Variants in KHDRBS3 observed in about 807,000 individuals in gnomAD.
KHDRBS3 encodes the protein KH RNA binding domain containing, signal transduction associated 3.
Under a neutral mutation model 45.6 loss-of-function variants are expected in KHDRBS3, and 23 were observed. That is an observed-to-expected ratio of 0.50 (90% CI 0.36 to 0.72). The LOEUF (loss-of-function observed/expected upper bound fraction) is 0.72, where lower values mean the gene tolerates loss of function less well. KHDRBS3 is among the 30% of genes least tolerant of loss of function. The pLI is 0.00. For missense variants in KHDRBS3, 352 were observed against 424.8 expected (o/e 0.83, Z 1.51); for synonymous variants, 162 against 156.5 (o/e 1.04, Z -0.26).
chr8:135,540,002 G>A (rs888972855), intron 2 of KHDRBS3: 7 of 152,080 alleles, frequency 4.6e-5, no homozygotes, highest in Non-Finnish European at 1.0e-4. Context: ...TGTTTGGATT[G>A]GATGATTTCT....
At position 135,584,875 on chromosome 8, in the gene KHDRBS3, G is replaced by A. The variant is rs139403678; in HGVS notation, c.807+2802G>A. On this transcript the variant is annotated intron_variant, in intron 6 of 8. Transcript: ENST00000355849. ...AACCTAAAGATTACTCACCCATCACGCTTAGTTTTGCAGCATGGTAGGGGG... is the reference window on the plus strand; with the variant it reads ...AACCTAAAGATTACTCACCCATCACACTTAGTTTTGCAGCATGGTAGGGGG... 4.9e-3 allele frequency among the ~76,000 whole-genome samples: 741 copies of A among 152,134 alleles called. 3 individuals are homozygous for A. The highest frequency in any genetic ancestry group is 0.017 in the African/African-American group (708 of 41,482).
intron 6 of KHDRBS3, among the ~76,000 whole-genome samples, chr8:135,602,671 C>T (rs544974577): frequency 2.6e-4 from 40 of 152,190 alleles, no homozygotes; most frequent in Admixed American, 2.2e-3. Flanking sequence ...TTCAAGCTAA[C>T]ATTACTAAAG....
chr8:135,654,818 T>C (rs930102255), intron 4 of KHDRBS3, among the ~76,000 whole-genome samples: 4 of 152,196 alleles, frequency 2.6e-5, no homozygotes, highest in Non-Finnish European at 5.9e-5. Context: ...ACAGACAGGA[T>C]CTCCTCTAGC....
intron 1 of KHDRBS3, among the ~76,000 whole-genome samples, chr8:135,476,569 C>A (rs1308892004): frequency 2.0e-5 from 3 of 152,198 alleles, no homozygotes; most frequent in African/African-American, 7.2e-5. Context: ...CTTGCACTTG[C>A]TTTTCCCTCT....
chr8:135,493,712 ATCTT>A (rs1823272002), intron 1 of KHDRBS3, among the ~76,000 whole-genome samples: 1 of 152,206 alleles, frequency 6.6e-6, no homozygotes, highest in East Asian at 1.9e-4. Flanking sequence ...TAACTTTTTC[ATCTT>A]TCTTTATGAG....
At chr8:135,636,169 T>C (rs1341604380) in intron 7 of KHDRBS3, among the ~76,000 whole-genome samples, 1 of 152,210 alleles carries the variant, frequency 6.6e-6, no homozygotes, top group Non-Finnish European at 1.5e-5. Flanking sequence ...AGGCAGCTAG[T>C]TGGCCTCACA....
intron 4 of KHDRBS3, among the ~76,000 whole-genome samples, chr8:135,556,548 T>G (rs1030540102): frequency 2.6e-5 from 4 of 152,216 alleles, no homozygotes; most frequent in Non-Finnish European, 5.9e-5. Context: ...GAAGTGTCTG[T>G]TCATATCCTT....
At chr8:135,631,282 C>G (rs376315966) in intron 7 of KHDRBS3, among the ~76,000 whole-genome samples, 6 of 133,472 alleles carry the variant, frequency 4.5e-5, no homozygotes, top group African/African-American at 1.4e-4. Flanking sequence ...AAGGATTTTT[C>G]TTCAATAATA....
intron 1 of KHDRBS3, among the ~76,000 whole-genome samples, chr8:135,483,512 T>C (rs1462779121): frequency 6.6e-6 from 1 of 152,230 alleles, no homozygotes; most frequent in Non-Finnish European, 1.5e-5. Context: ...CTGAAGCTAA[T>C]TAGTCCCTGG....
chr8:135,607,920 C>T (rs953877777), intron 7 of KHDRBS3, among the ~76,000 whole-genome samples: 1 of 152,142 alleles, frequency 6.6e-6, no homozygotes, highest in Non-Finnish European at 1.5e-5. Context: ...TGTTTTTGCT[C>T]ATACCAAATT....
intron 4 of KHDRBS3, among the ~76,000 whole-genome samples, chr8:135,551,633 G>A (rs753275282): frequency 6.6e-6 from 1 of 152,118 alleles, no homozygotes; most frequent in Non-Finnish European, 1.5e-5. Flanking sequence ...TCTTCTTTAT[G>A]TGTTGCTAGA....
At chr8:135,514,493 T>C (rs1436918726) in intron 1 of KHDRBS3, among the ~76,000 whole-genome samples, 1 of 152,184 alleles carries the variant, frequency 6.6e-6, no homozygotes, top group African/African-American at 2.4e-5. Context: ...ATTCCTCTTA[T>C]ATGACACAGC....
chr8:135,568,356 A>G (rs1160604018), intron 5 of KHDRBS3, among the ~76,000 whole-genome samples: 2 of 152,110 alleles, frequency 1.3e-5, no homozygotes, highest in African/African-American at 4.8e-5. Context: ...CTAATCAAGA[A>G]CCTTACTTTC....
intron 7 of KHDRBS3, among the ~76,000 whole-genome samples, chr8:135,637,375 G>C (rs1034477369): frequency 1.3e-5 from 2 of 152,118 alleles, no homozygotes; most frequent in Non-Finnish European, 2.9e-5. Context: ...TACAAAACTA[G>C]GTCAGTCTAG....
At chr8:135,549,260 A>C in intron 4 of KHDRBS3, 1 of 162,056 alleles carries the variant, frequency 6.2e-6, no homozygotes, top group East Asian at 1.7e-4. Flanking sequence ...TGTGCCATGC[A>C]CAGTGCTTGG....
At chr8:135,651,952 T>C (rs147255969), downstream of KHDRBS3, among the ~76,000 whole-genome samples, 352 of 152,280 alleles carry the variant, frequency 2.3e-3, 5 homozygotes, top group Middle Eastern at 0.01. Context: ...CTGGTCACTG[T>C]ATACAGAGAC....
chr8:135,549,074 T>TA, intron 4 of KHDRBS3, 174 bp downstream of exon 4: 1 of 407,140 alleles, frequency 2.5e-6, no homozygotes, highest in Middle Eastern at 6.3e-4. Flanking sequence ...CATTATTCCT[T>TA]ATGTATATAT....
At chr8:135,653,447 C>T (rs999160107) in intron 4 of KHDRBS3, among the ~76,000 whole-genome samples, 2 of 152,158 alleles carry the variant, frequency 1.3e-5, no homozygotes, top group Non-Finnish European at 2.9e-5. Flanking sequence ...AGAACATTTC[C>T]CCTTTACAGT....
At chr8:135,607,242 G>GTAA (rs1829506136) in intron 7 of KHDRBS3, among the ~76,000 whole-genome samples, 2 of 152,072 alleles carry the variant, frequency 1.3e-5, no homozygotes, top group African/African-American at 4.8e-5. Flanking sequence ...AAAGAAATCA[G>GTAA]GGAAATAAAA....
Sources: gnomAD v4.1 joint callset for allele counts (sites outside exome capture counted in the v4.1 genomes callset) on GRCh38, gnomAD v4.1.1 for gene constraint, MANE v1.5 for transcripts, NCBI Gene and HGNC (gene_info 2026-07-23, HGNC 2026-07-21) for gene names.